WDR17: variants seen among roughly 807,000 people sequenced by gnomAD.
The protein encoded by WDR17 is WD repeat domain 17.
WDR17 carries 143 observed loss-of-function variants against 161.7 expected under a neutral mutation model. The ratio of observed to expected loss-of-function variants is 0.88; its 90% CI spans 0.77 to 1.02. WDR17 has a LOEUF of 1.02. Among genes scored for constraint, WDR17 ranks in the 50% least tolerant of loss-of-function variants. WDR17 has a pLI of 0.00. For missense variants in WDR17, 1,469 were observed against 1,520.9 expected, an observed-to-expected ratio of 0.97 and a Z score of 0.57; for synonymous variants, 517 against 515.6, an observed-to-expected ratio of 1.00 and a Z score of -0.04.
At chr4:176,108,991 C>A (rs1244417046) in intron 1 of WDR17, among the ~76,000 whole-genome samples, 1 of 152,064 alleles carries the variant, frequency 6.6e-6, no homozygotes, top group Non-Finnish European at 1.5e-5. Context: ...GGTCTCCCTA[C>A]GTTGCCCAGA....
chr4:176,123,633 A>C (rs1741953404), intron 4 of WDR17, among the ~76,000 whole-genome samples: 1 of 152,238 alleles, frequency 6.6e-6, no homozygotes, highest in African/African-American at 2.4e-5. Flanking sequence ...TGAAAAGGGC[A>C]AGGCATATGG....
intron 1 of WDR17, chr4:176,096,688 C>A: frequency 1.1e-6 from 1 of 908,600 alleles, no homozygotes. Context: ...GACATTTTCG[C>A]ATTGCAAAGT....
In WDR17 at chr4:176,128,877, T is replaced by C. The variant is rs758701169; in HGVS notation, c.913+17T>C. The stretch of plus-strand genomic sequence containing the variant: ...GAAAAAAGTGTAAGTAAAAATGTTA[T>C]CAAAATTTTAATTTTTAAAAAATAT... On this transcript the variant is annotated intron_variant, in intron 6 of 28. Coordinates refer to ENST00000508596, the MANE Select transcript of WDR17 (RefSeq NM_181265.4). 6.5e-7 allele frequency: 1 copy of C among 1,542,600 alleles called. No individual in the cohort carries two copies.
At chr4:176,097,030 C>G (rs539812088) in intron 1 of WDR17, among the ~76,000 whole-genome samples, 1 of 151,912 alleles carries the variant, frequency 6.6e-6, no homozygotes, top group African/African-American at 2.4e-5. Context: ...CATGTTGCAT[C>G]TGATAAATTT....
At chr4:176,143,566 C>G (rs55739709) in intron 11 of WDR17, among the ~76,000 whole-genome samples, 2 of 151,696 alleles carry the variant, frequency 1.3e-5, no homozygotes, top group African/African-American at 4.8e-5. Flanking sequence ...GTAGTCACAG[C>G]TCCTCGGGAG....
At chr4:176,122,875 A>G (rs1434769197) in intron 4 of WDR17, among the ~76,000 whole-genome samples, 2 of 152,144 alleles carry the variant, frequency 1.3e-5, no homozygotes, top group East Asian at 1.9e-4. Flanking sequence ...ATGTTTGTAT[A>G]CTTATGTGTG....
At chr4:176,148,362 A>G in intron 13 of WDR17, 27 bp downstream of exon 13, 6 of 1,588,464 alleles carry the variant, frequency 3.8e-6, no homozygotes, top group Non-Finnish European at 5.2e-6. Context: ...TCTTTCATGT[A>G]TTTGTTATAT....
At chr4:176,075,205 A>T (rs1561064831) in intron 1 of WDR17, among the ~76,000 whole-genome samples, 2 of 149,240 alleles carry the variant, frequency 1.3e-5, no homozygotes, top group East Asian at 2.0e-4. Context: ...AACAAAAAAA[A>T]TTCAAGATTT....
intron 18 of WDR17, 65 bp downstream of exon 18, chr4:176,156,208 A>G: frequency 6.7e-7 from 1 of 1,488,292 alleles, no homozygotes; most frequent in Non-Finnish European, 9.2e-7. Flanking sequence ...GAAGCAGTAT[A>G]TAAATATGGC....
intron 8 of WDR17, 111 bp downstream of exon 8, chr4:176,135,387 A>G: frequency 8.1e-7 from 1 of 1,237,700 alleles, no homozygotes; most frequent in Non-Finnish European, 1.2e-6. Flanking sequence ...AAATGAATGT[A>G]GAGCAAATTA....
rs114675204 is a variant in WDR17 at position 176,096,612 on chromosome 4, A to T, written c.-6-14963A>T. On this transcript the variant is annotated intron_variant, in intron 1 of 28. Coordinates refer to ENST00000508596, the MANE Select transcript of WDR17 (RefSeq NM_181265.4). ...TAAGATACATTTACTTGTAATTACG[A>T]TTTCCTGCGATTTTTTTTCTGCTTT... 3,785 of 1,535,004 alleles carry T rather than the reference A, an allele frequency of 2.5e-3. 8 individuals are homozygous for T. Among genetic ancestry groups the T allele is most frequent in the Middle Eastern group, 4.7e-3 (26 of 5,508 alleles).
intron 20 of WDR17, among the ~76,000 whole-genome samples, chr4:176,161,376 C>T (rs190056479): frequency 6.6e-6 from 1 of 152,142 alleles, no homozygotes; most frequent in Admixed American, 6.5e-5. Flanking sequence ...TTCACAGTAA[C>T]GTAGTTTATA....
Position 176,163,237 on chromosome 4 carries a change from A to G in WDR17, c.2934A>G (p.Pro978=). 2 of 1,613,950 alleles carry G rather than the reference A, an allele frequency of 1.2e-6. No individual in the cohort carries two copies. Among genetic ancestry groups the G allele is most frequent in the Non-Finnish European group, 1.7e-6 (2 of 1,179,960 alleles). ...VGTVLGESAA[P]ATHYALELLA... ...CAGTACTAGGAGAGTCTGCAGCACC[A>G]GCAACCCACTATGCCTTAGAATTAC... The change falls in exon 22 of 29, where the codon CCA becomes CCG. Residue 978 remains proline (P), a synonymous_variant. Coordinates refer to ENST00000508596, the MANE Select transcript of WDR17 (RefSeq NM_181265.4).
At chr4:176,164,935 A>G (rs1419152579) in intron 22 of WDR17, among the ~76,000 whole-genome samples, 1 of 152,148 alleles carries the variant, frequency 6.6e-6, no homozygotes, top group Non-Finnish European at 1.5e-5. Flanking sequence ...TCAAAGCATG[A>G]AGCCTAATTG....
intron 1 of WDR17, among the ~76,000 whole-genome samples, chr4:176,105,608 A>C (rs368218391): frequency 7.9e-5 from 12 of 152,150 alleles, no homozygotes; most frequent in African/African-American, 2.4e-4. Context: ...CACACTCTCC[A>C]ACAACCAATG....
chr4:176,084,752 T>TTA (rs532011179), intron 1 of WDR17, among the ~76,000 whole-genome samples: 32 of 146,820 alleles, frequency 2.2e-4, no homozygotes, highest in East Asian at 2.0e-3. Flanking sequence ...ACTGTCGAGA[T>TTA]TATATATATA....
chr4:176,144,805 T>C (rs937726428), intron 11 of WDR17, among the ~76,000 whole-genome samples: 20 of 152,166 alleles, frequency 1.3e-4, no homozygotes, highest in Admixed American at 1.3e-3. Context: ...TCTCTGACTG[T>C]ATAATTTAGA....
chr4:176,179,595 C>A lies in WDR17; in HGVS notation c.*16C>A. On this transcript the variant is annotated 3_prime_UTR_variant, in exon 29 of 29. Transcript: ENST00000508596. ...TCCATTCTGATAGAAGATTTTTGTCCATGCTTGATTTTTTTTTTTAAAGAA... is the reference window on the plus strand; with the variant it reads ...TCCATTCTGATAGAAGATTTTTGTCAATGCTTGATTTTTTTTTTTAAAGAA... The A allele has an allele frequency of 2.6e-6, 4 of 1,516,888 alleles. No individual in the cohort carries two copies. The highest frequency in any genetic ancestry group is 3.5e-6 in the Non-Finnish European group (4 of 1,133,466). The allele number at this position is 1,516,888 out of a possible 1,614,324, so 94.0% of individuals were successfully genotyped here.
chr4:176,152,807 T>G (rs764012742), intron 17 of WDR17, among the ~76,000 whole-genome samples: 68 of 141,000 alleles, frequency 4.8e-4, no homozygotes, highest in Non-Finnish European at 9.8e-4. Flanking sequence ...TGGTGGCGTA[T>G]TCCTGTAATC....
Sources: allele counts gnomAD v4.1 joint callset (sites outside exome capture counted in the v4.1 genomes callset), GRCh38; gene constraint gnomAD v4.1.1; transcripts MANE v1.5; gene names NCBI Gene and HGNC (gene_info 2026-07-23, HGNC 2026-07-21).